The following PSD3 variants were observed in gnomAD, a reference collection of about 807,000 sequenced individuals.
The protein encoded by PSD3 is pleckstrin and Sec7 domain containing 3, also known as PH and SEC7 domain-containing protein 3.
Under a neutral mutation model 105.5 loss-of-function variants are expected in PSD3, and 49 were observed. The observed-to-expected ratio is 0.46, with a 90% CI of 0.37 to 0.59. The LOEUF (loss-of-function observed/expected upper bound fraction) is 0.59. PSD3 is among the 20% of genes least tolerant of loss of function. The pLI is 0.00. For synonymous variants in PSD3, 557 were observed against 457.8 expected, an observed-to-expected ratio of 1.22 and a Z score of -2.77; for missense variants, 1,561 against 1,263.8, an observed-to-expected ratio of 1.24 and a Z score of -3.57.
intron 8 of PSD3, among the ~76,000 whole-genome samples, chr8:18,776,384 T>TATATAA (rs1563253298): frequency 1.6e-4 from 20 of 125,796 alleles, no homozygotes; most frequent in East Asian, 4.9e-4. Context: ...ATATATATAA[T>TATATAA]TTTTTTTTTT....
chr8:18,639,219 G>A (rs147802394), intron 10 of PSD3, among the ~76,000 whole-genome samples: 21 of 152,178 alleles, frequency 1.4e-4, no homozygotes, highest in African/African-American at 4.1e-4. Flanking sequence ...TCGGGTAAGG[G>A]CAAATAACAT....
chr8:18,579,377 G>C (rs776827580), intron 12 of PSD3, among the ~76,000 whole-genome samples: 1 of 152,032 alleles, frequency 6.6e-6, no homozygotes, highest in African/African-American at 2.4e-5. Flanking sequence ...ATCCAATCAA[G>C]AAATTTTCTG....
intron 9 of PSD3, among the ~76,000 whole-genome samples, chr8:18,750,372 G>C (rs1805374700): frequency 1.3e-5 from 2 of 152,086 alleles, no homozygotes; most frequent in East Asian, 1.9e-4. Flanking sequence ...AGACCTTTGC[G>C]ATGAGTGTTA....
chr8:18,629,533 T>G (rs951558399), intron 11 of PSD3, among the ~76,000 whole-genome samples: 2 of 152,006 alleles, frequency 1.3e-5, no homozygotes, highest in Non-Finnish European at 1.5e-5. Context: ...AGAGAGAAAC[T>G]ATTAATTCAC....
intron 3 of PSD3, among the ~76,000 whole-genome samples, chr8:18,870,237 C>G (rs1488387102): frequency 6.6e-6 from 1 of 152,002 alleles, no homozygotes; most frequent in Non-Finnish European, 1.5e-5. Flanking sequence ...GATGCTCTCC[C>G]GTATAAACTA....
At chr8:19,040,828 C>T (rs1439210619) in intron 1 of PSD3, among the ~76,000 whole-genome samples, 1 of 152,168 alleles carries the variant, frequency 6.6e-6, no homozygotes, top group African/African-American at 2.4e-5. Flanking sequence ...TCTTGGACCA[C>T]AGGTTATCCA....
At chr8:18,651,047 A>G (rs534623329) in intron 10 of PSD3, among the ~76,000 whole-genome samples, 1 of 152,340 alleles carries the variant, frequency 6.6e-6, no homozygotes, top group East Asian at 1.9e-4. Context: ...AGTACCTTTC[A>G]AAAAATTTTT....
At chr8:18,565,213 A>T (rs1801661084) in intron 14 of PSD3, among the ~76,000 whole-genome samples, 1 of 152,192 alleles carries the variant, frequency 6.6e-6, no homozygotes, top group African/African-American at 2.4e-5. Flanking sequence ...TGTTGTGCAC[A>T]CTGAAGTTTG....
At chr8:18,634,644 C>T (rs1049378883) in intron 10 of PSD3, among the ~76,000 whole-genome samples, 1 of 152,090 alleles carries the variant, frequency 6.6e-6, no homozygotes, top group Non-Finnish European at 1.5e-5. Context: ...GACCTTGACA[C>T]TTTGAACAGT....
At chr8:18,739,824 G>C (rs987913707) in intron 9 of PSD3, among the ~76,000 whole-genome samples, 5 of 152,094 alleles carry the variant, frequency 3.3e-5, no homozygotes, top group African/African-American at 1.2e-4. Flanking sequence ...AATTGACCTG[G>C]CTTTCTGGCT....
At chr8:18,724,501 T>C (rs772753436) in intron 9 of PSD3, among the ~76,000 whole-genome samples, 64 of 151,994 alleles carry the variant, frequency 4.2e-4, no homozygotes, top group Non-Finnish European at 8.4e-4. Context: ...TCCCAGCTAC[T>C]TGAGAAGAAG....
At chr8:18,544,304 C>G (rs1264942947) in intron 15 of PSD3, among the ~76,000 whole-genome samples, 1 of 151,992 alleles carries the variant, frequency 6.6e-6, no homozygotes, top group Non-Finnish European at 1.5e-5. Context: ...TGCAGAGACT[C>G]TCCTTGACCA....
rs1802206553 is a variant in PSD3 at position 18,572,519 on chromosome 8, G to C, written c.2784+9C>G. 2 of 1,613,204 alleles carry C rather than the reference G, an allele frequency of 1.2e-6. No individual in the cohort carries two copies. The highest frequency in any genetic ancestry group is 2.2e-5 in the East Asian group (1 of 44,878). On this transcript the variant is annotated intron_variant, in intron 14 of 15. Transcript: ENST00000327040. ...TTTCCCAAGGTCAAAGCACTATCAA[G>C]ATGATTACCTGAGACAGTTTTGTTG...
chr8:18,581,676 A>G (rs973241979), intron 12 of PSD3, among the ~76,000 whole-genome samples: 1 of 152,158 alleles, frequency 6.6e-6, no homozygotes, highest in Non-Finnish European at 1.5e-5. Context: ...CATCATGTTA[A>G]CTGGTGCTTT....
intron 1 of PSD3, among the ~76,000 whole-genome samples, chr8:19,027,874 C>T (rs1443292773): frequency 6.6e-6 from 1 of 152,118 alleles, no homozygotes; most frequent in Non-Finnish European, 1.5e-5. Flanking sequence ...CCAGTTTTGG[C>T]TATTGCAAAT....
chr8:19,079,499 AT>A (rs1281000395), intron 1 of PSD3, among the ~76,000 whole-genome samples: 2 of 152,214 alleles, frequency 1.3e-5, no homozygotes, highest in African/African-American at 2.4e-5. Flanking sequence ...CTAGAATACT[AT>A]TTTATGAGAA....
intron 2 of PSD3, among the ~76,000 whole-genome samples, chr8:18,912,147 T>G (rs1461875901): frequency 6.6e-6 from 1 of 152,182 alleles, no homozygotes; most frequent in Non-Finnish European, 1.5e-5. Context: ...TCTGAGAAGT[T>G]TTTGCCATGA....
rs558599930 is a variant in PSD3 at position 18,874,874 on chromosome 8, C to T, written c.131-2141G>A. 9.2e-5 allele frequency among the ~76,000 whole-genome samples: 14 copies of T among 152,218 alleles called. No homozygotes were observed. The East Asian group carries it at 1.9e-3, about 21-fold the overall frequency. On this transcript the variant is annotated intron_variant, in intron 2 of 15. Coordinates refer to ENST00000327040, the MANE Select transcript of PSD3 (RefSeq NM_015310.4). Reference sequence around the variant, plus strand: ...ATAGCAATACCTCTGAGAGTACATGCTGTTTCATATTCCATGTTGTAAAAT... The same window carrying T: ...ATAGCAATACCTCTGAGAGTACATGTTGTTTCATATTCCATGTTGTAAAAT...
intron 1 of PSD3, among the ~76,000 whole-genome samples, chr8:19,026,751 T>C (rs1368537141): frequency 6.9e-6 from 1 of 145,528 alleles, no homozygotes; most frequent in African/African-American, 2.5e-5. Context: ...CACACACCTA[T>C]AGTCCCAGCT....
Sources: gnomAD v4.1 joint callset for allele counts (sites outside exome capture counted in the v4.1 genomes callset) on GRCh38, gnomAD v4.1.1 for gene constraint, MANE v1.5 for transcripts, NCBI Gene and HGNC (gene_info 2026-07-23, HGNC 2026-07-21) for gene names.